Variants in ADAMTSL1 observed in about 807,000 individuals in gnomAD.
ADAMTSL1 encodes the protein ADAMTS like 1, also known as ADAMTS-like protein 1.
A neutral mutation model predicts 201.8 loss-of-function variants in ADAMTSL1; 126 were observed. The ratio of observed to expected loss-of-function variants is 0.62; its 90% confidence interval spans 0.54 to 0.72. The LOEUF is 0.72. Among genes scored for constraint, ADAMTSL1 ranks in the 30% least tolerant of loss-of-function variants. The pLI is 0.00. For synonymous variants in ADAMTSL1, 1,121 were observed against 903.4 expected (o/e 1.24, Z -4.32); for missense variants, 2,679 against 2,277.8 (o/e 1.18, Z -3.59).
chr9:18,238,598 A>G (rs187131883), intron 2 of ADAMTSL1, among the ~76,000 whole-genome samples: 4 of 152,298 alleles, frequency 2.6e-5, no homozygotes, highest in East Asian at 3.9e-4. Flanking sequence ...TTGACATGTA[A>G]TAGGCACCAA....
intron 4 of ADAMTSL1, among the ~76,000 whole-genome samples, chr9:18,605,157 T>C (rs1368247411): frequency 6.6e-6 from 1 of 152,098 alleles, no homozygotes; most frequent in African/African-American, 2.4e-5. Context: ...ACCATGAAAA[T>C]AGTGAGATGC....
intron 1 of ADAMTSL1, among the ~76,000 whole-genome samples, chr9:18,059,724 C>A (rs540171905): frequency 1.3e-5 from 2 of 152,194 alleles, no homozygotes; most frequent in Admixed American, 6.5e-5. Flanking sequence ...GTTTGTGTAT[C>A]CCATGTTTTT....
chr9:18,314,587 C>A (rs574793425), intron 2 of ADAMTSL1, among the ~76,000 whole-genome samples: 9 of 151,804 alleles, frequency 5.9e-5, no homozygotes, highest in Non-Finnish European at 7.4e-5. Flanking sequence ...TTGTTCATCC[C>A]TCCCAGTGGG....
At chr9:18,222,273 A>C (rs762940515) in intron 2 of ADAMTSL1, among the ~76,000 whole-genome samples, 1 of 151,804 alleles carries the variant, frequency 6.6e-6, no homozygotes, top group Non-Finnish European at 1.5e-5. Flanking sequence ...GTCAATTTGT[A>C]TAATTGTTCT....
chr9:18,631,241 A>T (rs571185584), intron 5 of ADAMTSL1, among the ~76,000 whole-genome samples: 8 of 152,192 alleles, frequency 5.3e-5, no homozygotes, highest in Non-Finnish European at 1.2e-4. Context: ...AAATGGAAGG[A>T]TGAAGTTCTC....
At chr9:18,123,005 C>T (rs552228816) in intron 1 of ADAMTSL1, among the ~76,000 whole-genome samples, 5 of 152,274 alleles carry the variant, frequency 3.3e-5, no homozygotes, top group South Asian at 4.1e-4. Context: ...TCCCAAAGTG[C>T]TGGGATTATA....
intron 2 of ADAMTSL1, among the ~76,000 whole-genome samples, chr9:18,448,879 G>A (rs563709303): frequency 1.7e-4 from 26 of 151,940 alleles, no homozygotes; most frequent in Non-Finnish European, 3.5e-4. Context: ...TACAAGGCTC[G>A]AATGTTTAAA....
intron 2 of ADAMTSL1, among the ~76,000 whole-genome samples, chr9:18,252,020 T>A (rs1831483434): frequency 6.6e-6 from 1 of 151,958 alleles, no homozygotes; most frequent in Non-Finnish European, 1.5e-5. Context: ...AAAGATATTT[T>A]AAAATTTCCT....
chr9:18,315,185 C>G, intron 2 of ADAMTSL1, among the ~76,000 whole-genome samples: 1 of 152,108 alleles, frequency 6.6e-6, no homozygotes, highest in South Asian at 2.1e-4. Flanking sequence ...GAGCTAGACA[C>G]AGAGTGCTGA....
intron 2 of ADAMTSL1, among the ~76,000 whole-genome samples, chr9:18,254,525 G>A (rs1283455438): frequency 6.6e-6 from 1 of 151,660 alleles, no homozygotes; most frequent in Non-Finnish European, 1.5e-5. Context: ...ACCACGCCCG[G>A]CTAACTTTTT....
intron 2 of ADAMTSL1, among the ~76,000 whole-genome samples, chr9:18,468,223 A>C (rs1043045431): frequency 1.3e-5 from 2 of 152,206 alleles, no homozygotes; most frequent in African/African-American, 4.8e-5. Flanking sequence ...AACTTCAGCA[A>C]TGTAGAAAAA....
chr9:18,095,709 C>T (rs985589166), intron 1 of ADAMTSL1, among the ~76,000 whole-genome samples: 1 of 152,114 alleles, frequency 6.6e-6, no homozygotes, highest in African/African-American at 2.4e-5. Flanking sequence ...CAGGTGTGAG[C>T]CACTGTGGTG....
intron 1 of ADAMTSL1, among the ~76,000 whole-genome samples, chr9:17,915,437 C>T (rs1032873289): frequency 6.6e-6 from 1 of 152,064 alleles, no homozygotes; most frequent in African/African-American, 2.4e-5. Context: ...ATAGATAGAC[C>T]ACAGTTTGTT....
intron 3 of ADAMTSL1, among the ~76,000 whole-genome samples, chr9:18,561,271 G>A (rs1207289133): frequency 6.6e-6 from 1 of 152,126 alleles, no homozygotes; most frequent in Non-Finnish European, 1.5e-5. Flanking sequence ...ATTTATTTCT[G>A]CCTTAATTTC....
chr9:18,512,235 G>T (rs1223268330), intron 2 of ADAMTSL1, among the ~76,000 whole-genome samples: 1 of 152,074 alleles, frequency 6.6e-6, no homozygotes, highest in Non-Finnish European at 1.5e-5. Context: ...TATCTTAGGG[G>T]GGTGTATTGT....
intron 1 of ADAMTSL1, among the ~76,000 whole-genome samples, chr9:18,122,644 C>T (rs1422363359): frequency 4.6e-5 from 7 of 152,072 alleles, no homozygotes; most frequent in Non-Finnish European, 1.0e-4. Context: ...AATAATGGTT[C>T]AGTCCAAAAT....
At chr9:18,595,653 A>T (rs569692733) in intron 4 of ADAMTSL1, among the ~76,000 whole-genome samples, 2 of 152,256 alleles carry the variant, frequency 1.3e-5, no homozygotes, top group Non-Finnish European at 2.9e-5. Flanking sequence ...GAAGGCTGGA[A>T]TAGTGCCCCA....
chr9:18,172,786 T>C (rs1048070370), intron 2 of ADAMTSL1, among the ~76,000 whole-genome samples: 1 of 152,112 alleles, frequency 6.6e-6, no homozygotes. Context: ...AAATAACACA[T>C]CTACATGTAT....
intron 21 of ADAMTSL1, among the ~76,000 whole-genome samples, chr9:18,824,519 A>T (rs777724230): frequency 6.6e-5 from 10 of 151,952 alleles, no homozygotes; most frequent in Non-Finnish European, 1.3e-4. Context: ...TACACAGGCA[A>T]CTCTTTGAAG....
Sources: allele counts gnomAD v4.1 joint callset (sites outside exome capture counted in the v4.1 genomes callset), GRCh38; gene constraint gnomAD v4.1.1; transcripts MANE v1.5; gene names NCBI Gene and HGNC (gene_info 2026-07-23, HGNC 2026-07-21).